PIWIL1: variants seen among roughly 807,000 people sequenced by gnomAD.
PIWIL1 encodes the protein piwi like RNA-mediated gene silencing 1.
In PIWIL1, 73 loss-of-function variants were observed where a neutral mutation model predicts 114.4. That is an observed-to-expected ratio of 0.64 (90% CI 0.53 to 0.78). PIWIL1 has a LOEUF of 0.78. Ranked by LOEUF, PIWIL1 falls within the 30% of genes least tolerant of loss-of-function variation. The pLI, the probability that PIWIL1 is intolerant of heterozygous loss-of-function variation, is 0.00. For synonymous variants in PIWIL1, 375 were observed against 369.0 expected (o/e 1.02, Z -0.19); for missense variants, 723 against 1,063.1 (o/e 0.68, Z 4.45).
rs979624962 is a variant in PIWIL1 at position 130,363,699 on chromosome 12, C to T, written c.2195+555C>T. Among the ~76,000 whole-genome samples the T allele has an allele frequency of 2.7e-5, 4 of 146,716 alleles. No homozygotes were observed. In the Admixed American group the frequency reaches 2.8e-4, roughly 10 times the overall value. On this transcript the variant is annotated intron_variant, in intron 18 of 20. Coordinates refer to ENST00000245255, the MANE Select transcript of PIWIL1 (RefSeq NM_004764.5). ...GTGGCACAATCTCGGCTCACTGCAACCTCCGCCTCCCAGGTTCAAGTGATT... is the reference window on the plus strand; with the variant it reads ...GTGGCACAATCTCGGCTCACTGCAATCTCCGCCTCCCAGGTTCAAGTGATT...
At chr12:130,365,007 C>T (rs1244317735) in intron 18 of PIWIL1, among the ~76,000 whole-genome samples, 2 of 152,072 alleles carry the variant, frequency 1.3e-5, no homozygotes, top group Non-Finnish European at 2.9e-5. Flanking sequence ...GGTTTGATTC[C>T]CAGAAGGACT....
the PIWIL1 span, among the ~76,000 whole-genome samples, chr12:130,403,011 G>A: frequency 3.1e-4 from 47 of 152,340 alleles, no homozygotes; most frequent in African/African-American, 1.1e-3. Context: ...AGGACAGCAG[G>A]AGTCCCTCGG....
chr12:130,392,376 ATG>A, the PIWIL1 span, among the ~76,000 whole-genome samples: 6,240 of 16,836 alleles, frequency 0.37, 384 homozygotes, highest in Non-Finnish European at 0.41. Flanking sequence ...CCGTCATCAC[ATG>A]TGTCCGTCAG....
At chr12:130,348,978 C>G (rs559322449) in intron 7 of PIWIL1, among the ~76,000 whole-genome samples, 7 of 152,250 alleles carry the variant, frequency 4.6e-5, no homozygotes, top group African/African-American at 1.7e-4. Context: ...ATTAGATTGG[C>G]AACTTTTTAA....
In PIWIL1 at chr12:130,361,547, C is replaced by T. The variant is rs1372596921; in HGVS notation, c.1916C>T (p.Ala639Val). 6.2e-7 allele frequency: 1 copy of T among 1,614,054 alleles called. No individual in the cohort carries two copies. Among genetic ancestry groups the T allele is most frequent in the Admixed American group, 1.7e-5 (1 of 60,008 alleles). ...ATCGATTGTTACCATGACATGACAG[C>T]TGGGCGGAGGTCAATCGCAGGATTT... ...VGIDCYHDMT[A>V]GRRSIAGFVA... is the part of the protein sequence containing the mutation. Residue 639 changes from alanine (A) to valine (V), a missense_variant, in exon 16 of 21, where the codon GCT (alanine) becomes GTT (valine). By Grantham distance (64) the Ala-to-Val change is moderately conservative (BLOSUM62 0). Around this residue, in one of 8 missense-constraint regions of PIWIL1, gnomAD observed 298 missense variants for 420.8 expected, o/e 0.71. Transcript: ENST00000245255.
the PIWIL1 span, among the ~76,000 whole-genome samples, chr12:130,382,172 C>T: frequency 1.3e-5 from 2 of 152,222 alleles, no homozygotes; most frequent in Non-Finnish European, 1.5e-5. Flanking sequence ...GGTAAAGTTA[C>T]TGCCTTTGGA....
At chr12:130,407,617 C>T in the PIWIL1 span, 4 of 894,720 alleles carry the variant, frequency 4.5e-6, no homozygotes, top group Non-Finnish European at 5.7e-6. Flanking sequence ...ACGGATGGTT[C>T]GGAGAGAAGG....
chr12:130,402,791 C>T, the PIWIL1 span, among the ~76,000 whole-genome samples: 6 of 152,218 alleles, frequency 3.9e-5, no homozygotes, highest in Non-Finnish European at 7.3e-5. Context: ...TTTGCACACT[C>T]CTCTGGATTA....
chr12:130,391,287 T>G, the PIWIL1 span, among the ~76,000 whole-genome samples: 1 of 152,168 alleles, frequency 6.6e-6, no homozygotes, highest in Non-Finnish European at 1.5e-5. Flanking sequence ...ACAACGCGGG[T>G]GAGACAGCGC....
At chr12:130,424,834 C>G in the PIWIL1 span, 21 of 1,232,518 alleles carry the variant, frequency 1.7e-5, no homozygotes, top group Non-Finnish European at 2.1e-5. This position sits in a 1 kb window ranked among gnomAD's most constrained non-coding sequence, Gnocchi z 9.8. Flanking sequence ...AAAGTGCCTT[C>G]CGAGGTCCTA....
intron 18 of PIWIL1, 139 bp from the exon 19 acceptor site, chr12:130,366,994 C>A: frequency 1.0e-6 from 1 of 963,394 alleles, no homozygotes; most frequent in Non-Finnish European, 1.6e-6. Context: ...AGATCCTGAT[C>A]CTTCTCCACA....
the PIWIL1 span, among the ~76,000 whole-genome samples, chr12:130,388,887 T>C: frequency 5.3e-5 from 8 of 152,174 alleles, no homozygotes; most frequent in Non-Finnish European, 1.0e-4. Flanking sequence ...TAATTCTGTT[T>C]TCTTCTTTCC....
chr12:130,374,266 T>TAG (rs2073849419), downstream of PIWIL1, among the ~76,000 whole-genome samples: 1 of 152,166 alleles, frequency 6.6e-6, no homozygotes, highest in South Asian at 2.1e-4. Flanking sequence ...CAGAGTCAAA[T>TAG]AGAAAGTATT....
chr12:130,385,869 CAA>C, the PIWIL1 span, among the ~76,000 whole-genome samples: 1 of 152,178 alleles, frequency 6.6e-6, no homozygotes, highest in East Asian at 1.9e-4. Context: ...TTATGCCTAT[CAA>C]AAGTCATGCT....
chr12:130,377,227 G>T (rs2073873762), downstream of PIWIL1, among the ~76,000 whole-genome samples: 1 of 152,226 alleles, frequency 6.6e-6, no homozygotes, highest in Admixed American at 6.5e-5. Context: ...GATCCCCAGT[G>T]TATAGCAGGT....
chr12:130,342,677 C>T lies in PIWIL1; in HGVS notation c.78+8C>T, dbSNP rs199804207. The T allele has an allele frequency of 1.7e-5, 27 of 1,604,494 alleles. No individual in the cohort carries two copies. In the Admixed American group the frequency reaches 2.2e-4, roughly 13 times the overall value. On this transcript the variant is annotated splice_region_variant and intron_variant, in intron 2 of 20. Coordinates refer to ENST00000245255, the MANE Select transcript of PIWIL1 (RefSeq NM_004764.5). Reference sequence around the variant, plus strand: ...CTGGTGGGCTCCACTGCCGTGAGTGCTTCACCGTTTCTGACTACAGAAAAT... The same window carrying T: ...CTGGTGGGCTCCACTGCCGTGAGTGTTTCACCGTTTCTGACTACAGAAAAT...
the PIWIL1 span, among the ~76,000 whole-genome samples, chr12:130,406,981 C>T: frequency 6.6e-6 from 1 of 152,210 alleles, no homozygotes; most frequent in Non-Finnish European, 1.5e-5. Flanking sequence ...GGCCGGGCTG[C>T]AGCCCCAAAG....
chr12:130,373,825 G>A (rs1166173356), downstream of PIWIL1, among the ~76,000 whole-genome samples: 1 of 152,156 alleles, frequency 6.6e-6, no homozygotes, highest in Non-Finnish European at 1.5e-5. Flanking sequence ...TGATGTCTGA[G>A]CCACACCGAG....
chr12:130,351,912 C>T (rs983010790), intron 9 of PIWIL1, among the ~76,000 whole-genome samples: 16 of 152,146 alleles, frequency 1.1e-4, no homozygotes, highest in African/African-American at 2.2e-4. Flanking sequence ...ATGTGGCACC[C>T]GTGGCCCTGT....
Sources: gnomAD v4.1 joint callset for allele counts (sites outside exome capture counted in the v4.1 genomes callset) on GRCh38, gnomAD v4.1.1 for gene constraint, gnomAD v4.1.1 regional missense constraint, Gnocchi (gnomAD v3.1) non-coding constraint, MANE v1.5 for transcripts, NCBI Gene and HGNC (gene_info 2026-07-23, HGNC 2026-07-21) for gene names.